Variants in PRKCH observed in about 807,000 individuals in gnomAD.
PRKCH encodes protein kinase C eta, also known as protein kinase C eta type.
In PRKCH, 28 loss-of-function variants were observed where a neutral mutation model predicts 82.5. That is an observed-to-expected ratio of 0.34 (90% confidence interval 0.25 to 0.47). The LOEUF (loss-of-function observed/expected upper bound fraction) is 0.47. Ranked by LOEUF, PRKCH falls within the 20% of genes least tolerant of loss-of-function variation. The pLI is 1.00. For missense variants in PRKCH, 705 were observed against 881.8 expected, an observed-to-expected ratio of 0.80 and a Z score of 2.54; for synonymous variants, 322 against 327.4, an observed-to-expected ratio of 0.98 and a Z score of 0.18.
At chr14:61,409,295 A>G (rs2140229675) in intron 2 of PRKCH, among the ~76,000 whole-genome samples, 1 of 152,280 alleles carries the variant, frequency 6.6e-6, no homozygotes, top group Non-Finnish European at 1.5e-5. Flanking sequence ...TGACCCAGCC[A>G]TGGGCTCAAG....
At chr14:61,244,780 A>G (rs2044866556) in intron 1 of PRKCH, among the ~76,000 whole-genome samples, 1 of 152,220 alleles carries the variant, frequency 6.6e-6, no homozygotes, top group Non-Finnish European at 1.5e-5. Context: ...TGGTCTTCCA[A>G]CCTGTTACCT....
intron 1 of PRKCH, among the ~76,000 whole-genome samples, chr14:61,201,028 A>G (rs2044477193): frequency 6.6e-6 from 1 of 152,202 alleles, no homozygotes; most frequent in East Asian, 1.9e-4. Flanking sequence ...AACATGAAGC[A>G]AACTAATCTA....
chr14:61,529,672 G>A (rs902672991), intron 11 of PRKCH, among the ~76,000 whole-genome samples: 12 of 142,744 alleles, frequency 8.4e-5, no homozygotes, highest in South Asian at 2.3e-4. Context: ...ACCAAACACC[G>A]CATATTCTCA....
chr14:61,255,964 T>C (rs999516283), intron 1 of PRKCH, among the ~76,000 whole-genome samples: 1 of 152,208 alleles, frequency 6.6e-6, no homozygotes, highest in Non-Finnish European at 1.5e-5. Context: ...GGTTGTTCAC[T>C]TGAAATGATG....
intron 1 of PRKCH, among the ~76,000 whole-genome samples, chr14:61,343,123 C>G (rs1024380949): frequency 6.6e-6 from 1 of 152,298 alleles, no homozygotes; most frequent in African/African-American, 2.4e-5. Flanking sequence ...CGCTACTTAA[C>G]TGGACTTGAC....
At chr14:61,524,786 G>A (rs80137372) in intron 10 of PRKCH, among the ~76,000 whole-genome samples, 4,595 of 152,280 alleles carry the variant, frequency 0.03, 98 homozygotes, top group Non-Finnish European at 0.043. Context: ...CTTGGTCCTC[G>A]TTGTTTAATA....
intron 2 of PRKCH, among the ~76,000 whole-genome samples, chr14:61,392,134 G>T (rs969189265): frequency 6.6e-6 from 1 of 151,486 alleles, no homozygotes; most frequent in East Asian, 1.9e-4. Context: ...TATAAATGTA[G>T]CATCCATTTG....
At chr14:61,386,085 G>A (rs921722076) in intron 1 of PRKCH, among the ~76,000 whole-genome samples, 1 of 152,206 alleles carries the variant, frequency 6.6e-6, no homozygotes, top group African/African-American at 2.4e-5. Context: ...ATATTCCCCA[G>A]TATGCTGCTT....
rs1289587770 is a variant in PRKCH, at chr14:61,485,505, C to T, written c.1282C>T (p.Arg428Cys). The change falls in exon 10 of 14, where the codon CGT becomes TGT. Residue 428 changes from arginine to cysteine, a missense_variant. Physicochemically the swap from Arg to Cys is radical, Grantham distance 180. Around this residue, in one of 5 missense-constraint regions of PRKCH, gnomAD observed 238 missense variants for 258.1 expected, o/e 0.92. Transcript: ENST00000332981. ...CCTCTCTTGTGTTTGTATCCAGGAT[C>T]GTCTGTTTTTTGTGATGGAGTTTGT... ...QLFCCFQTPD[R>C]LFFVMEFVNG... 2.8e-5 allele frequency: 45 copies of T among 1,613,498 alleles called. No individual in the cohort carries two copies. Among genetic ancestry groups the T allele is most frequent in the African/African-American group, 4.0e-5 (3 of 74,866 alleles).
intron 1 of PRKCH, among the ~76,000 whole-genome samples, chr14:61,250,784 A>C (rs2044938870): frequency 6.6e-6 from 1 of 152,120 alleles, no homozygotes; most frequent in Non-Finnish European, 1.5e-5. Flanking sequence ...CAAATGTACC[A>C]CTTTGGTGGG....
intron 1 of PRKCH, among the ~76,000 whole-genome samples, chr14:61,260,057 T>C (rs2045032733): frequency 6.6e-6 from 1 of 152,234 alleles, no homozygotes; most frequent in Admixed American, 6.5e-5. Flanking sequence ...GAATTTGGCC[T>C]CATTAATATG....
intron 1 of PRKCH, among the ~76,000 whole-genome samples, chr14:61,209,179 A>T (rs979404490): frequency 1.3e-5 from 2 of 152,132 alleles, no homozygotes; most frequent in African/African-American, 4.8e-5. Flanking sequence ...CCCTTGCCAG[A>T]TACCGGTGCT....
intron 6 of PRKCH, among the ~76,000 whole-genome samples, chr14:61,451,516 A>G (rs1884507946): frequency 1.3e-5 from 2 of 152,158 alleles, no homozygotes; most frequent in South Asian, 4.1e-4. Flanking sequence ...GAGATTGGAG[A>G]CAGGGGTAGA....
Position 61,486,923 on chromosome 14 carries a change from CTATT to C in PRKCH, c.1433+1272_1433+1275del, listed in dbSNP as rs572402458. Among the ~76,000 whole-genome samples, 30 of 152,296 alleles carry C rather than the reference CTATT, an allele frequency of 2.0e-4. No individual in the cohort carries two copies. In the East Asian group the frequency reaches 5.2e-3, roughly 26 times the overall value. ...TAAAGGATTTCCTGATTGAAATTTG[CTATT>C]TATTAACCTTGTTAAATGCAGTTCC... On this transcript the variant is annotated intron_variant, in intron 10 of 13. Transcript: ENST00000332981.
At chr14:61,482,867 G>A (rs1232066083) in intron 9 of PRKCH, among the ~76,000 whole-genome samples, 1 of 152,200 alleles carries the variant, frequency 6.6e-6, no homozygotes, top group Non-Finnish European at 1.5e-5. Context: ...CTGGAATTTA[G>A]CCCACAGTCT....
intron 1 of PRKCH, chr14:61,347,964 A>G (rs1322334898): frequency 1.3e-5 from 2 of 152,570 alleles, no homozygotes; most frequent in Non-Finnish European, 2.9e-5. Flanking sequence ...GGAGGAGAGT[A>G]TCTCACTGGT....
At chr14:61,377,047 T>G (rs1879754494) in intron 1 of PRKCH, among the ~76,000 whole-genome samples, 1 of 152,230 alleles carries the variant, frequency 6.6e-6, no homozygotes, top group South Asian at 2.1e-4. Context: ...GAATTGCTAA[T>G]GATGGGGTGG....
chr14:61,271,342 A>T (rs747959399), intron 1 of PRKCH, among the ~76,000 whole-genome samples: 4 of 152,126 alleles, frequency 2.6e-5, no homozygotes, highest in African/African-American at 7.2e-5. Flanking sequence ...TGTCCAAGTC[A>T]CTGAAGCTTT....
chr14:61,498,365 T>C (rs1006844922), intron 10 of PRKCH, among the ~76,000 whole-genome samples: 1 of 152,140 alleles, frequency 6.6e-6, no homozygotes, highest in African/African-American at 2.4e-5. Context: ...TTCAACATGA[T>C]GTCAGAAATT....
Sources: allele counts gnomAD v4.1 joint callset (sites outside exome capture counted in the v4.1 genomes callset), GRCh38; gene constraint gnomAD v4.1.1; regional missense constraint gnomAD v4.1.1; transcripts MANE v1.5; gene names NCBI Gene and HGNC (gene_info 2026-07-23, HGNC 2026-07-21).